Variants in CCDC149 observed in about 807,000 individuals in gnomAD.
The protein encoded by CCDC149 is coiled-coil domain-containing protein 149.
CCDC149 carries 45 observed loss-of-function variants against 59.9 expected under a neutral mutation model. That is an observed-to-expected ratio of 0.75 (90% confidence interval 0.59 to 0.96). CCDC149 has a LOEUF of 0.96. CCDC149 is among the 40% of genes least tolerant of loss of function. The pLI, the probability that CCDC149 is intolerant of heterozygous loss-of-function variation, is 0.00. For missense variants in CCDC149, 584 were observed against 664.7 expected (o/e 0.88, Z 1.33); for synonymous variants, 245 against 260.6 (o/e 0.94, Z 0.58).
chr4:24,872,358 C>T (rs753789534), intron 3 of CCDC149, among the ~76,000 whole-genome samples: 1 of 152,208 alleles, frequency 6.6e-6, no homozygotes, highest in African/African-American at 2.4e-5. Flanking sequence ...ACAGTATGCA[C>T]CCACAGAATG....
At chr4:24,821,793 T>G (rs1715417727) in intron 10 of CCDC149, among the ~76,000 whole-genome samples, 1 of 152,130 alleles carries the variant, frequency 6.6e-6, no homozygotes, top group Non-Finnish European at 1.5e-5. Flanking sequence ...GGCTGGGGTA[T>G]CACAAAAGGA....
At chr4:24,856,898 T>G (rs959593349) in intron 3 of CCDC149, among the ~76,000 whole-genome samples, 8 of 152,240 alleles carry the variant, frequency 5.3e-5, no homozygotes, top group Admixed American at 6.5e-5. Flanking sequence ...CAGCAGTGAC[T>G]GTCCCTGGGG....
chr4:24,863,113 C>T (rs1187231546), intron 3 of CCDC149, among the ~76,000 whole-genome samples: 2 of 151,980 alleles, frequency 1.3e-5, no homozygotes, highest in Non-Finnish European at 2.9e-5. Flanking sequence ...ACCAACATGG[C>T]AAAACCCCAT....
intron 1 of CCDC149, among the ~76,000 whole-genome samples, chr4:24,946,762 T>C (rs1436717482): frequency 6.6e-6 from 1 of 152,212 alleles, no homozygotes; most frequent in Non-Finnish European, 1.5e-5. Context: ...CAAGTTAATA[T>C]TAAGGCCAGC....
intron 1 of CCDC149, among the ~76,000 whole-genome samples, chr4:24,885,981 T>G (rs532494230): frequency 1.3e-5 from 2 of 152,234 alleles, no homozygotes; most frequent in African/African-American, 4.8e-5. Flanking sequence ...ATGTTCTACT[T>G]GAAACATCAT....
chr4:24,878,271 GA>G (rs2109253124), intron 1 of CCDC149, among the ~76,000 whole-genome samples: 1 of 150,040 alleles, frequency 6.7e-6, no homozygotes. Context: ...AAACAAAGGG[GA>G]AAGAAAAGGC....
At chr4:24,849,492 C>T (rs1717521838) in intron 4 of CCDC149, among the ~76,000 whole-genome samples, 1 of 152,132 alleles carries the variant, frequency 6.6e-6, no homozygotes, top group Non-Finnish European at 1.5e-5. Context: ...ACACAGGCTC[C>T]CCCCATCACA....
In CCDC149 at chr4:24,951,309, T is replaced by A. The variant is rs1723284519; in HGVS notation, c.-65+28760A>T. Among the ~76,000 whole-genome samples, 3 of 152,358 alleles carry A rather than the reference T, an allele frequency of 2.0e-5. No individual in the cohort carries two copies. In the South Asian group the frequency reaches 6.2e-4, roughly 32 times the overall value. ...CTCTCATTTTTGGAAGCTTTTAAAC[T>A]TCAGGGTGGACAGCGTGGCCCTTGG... On this transcript the variant is annotated intron_variant, in intron 1 of 12. Coordinates refer to the CCDC149 transcript ENST00000389609.
At chr4:24,917,624 A>G (rs1320265113), upstream of CCDC149, among the ~76,000 whole-genome samples, 1 of 152,040 alleles carries the variant, frequency 6.6e-6, no homozygotes, top group Non-Finnish European at 1.5e-5. Flanking sequence ...CCTAAAGATA[A>G]AGAACCATGG....
chr4:24,957,088 C>T (rs1371371334), intron 1 of CCDC149, among the ~76,000 whole-genome samples: 2 of 152,218 alleles, frequency 1.3e-5, no homozygotes, highest in Non-Finnish European at 2.9e-5. Context: ...AAATCTATGG[C>T]AGAGAACTCT....
At chr4:24,876,431 A>G in intron 2 of CCDC149, 105 bp downstream of exon 2, 1 of 1,300,880 alleles carries the variant, frequency 7.7e-7, no homozygotes, top group Non-Finnish European at 1.0e-6. Flanking sequence ...TTCCACTTTG[A>G]ACTGTTTGCA....
rs1577425162 is a variant in CCDC149, at chr4:24,864,867, A to G, written c.264+8814T>C. On this transcript the variant is annotated intron_variant, in intron 3 of 12. Coordinates refer to ENST00000635206, the MANE Select transcript of CCDC149 (RefSeq NM_001330643.2). Reference sequence around the variant, plus strand: ...ACAGTATTCACAGAATGTAAAACCCATGGATATGGAGGCCCAACTTCTTGT... The same window carrying G: ...ACAGTATTCACAGAATGTAAAACCCGTGGATATGGAGGCCCAACTTCTTGT... Among the ~76,000 whole-genome samples, 6 of 152,202 alleles carry G rather than the reference A, an allele frequency of 3.9e-5. No individual in the cohort carries two copies. The South Asian group carries it at 1.2e-3, about 31-fold the overall frequency.
intron 1 of CCDC149, among the ~76,000 whole-genome samples, chr4:24,923,650 T>C (rs7666033): frequency 0.25 from 37,910 of 151,944 alleles, 5,114 homozygotes; most frequent in African/African-American, 0.36. Flanking sequence ...TGAAGATTAG[T>C]GTGACCAGAA....
intron 1 of CCDC149, among the ~76,000 whole-genome samples, chr4:24,891,545 T>G (rs1321913083): frequency 6.6e-6 from 1 of 152,224 alleles, no homozygotes; most frequent in Non-Finnish European, 1.5e-5. Context: ...TCATCACTAT[T>G]TATCAGGAGA....
intron 1 of CCDC149, among the ~76,000 whole-genome samples, chr4:24,907,032 G>C (rs1369488242): frequency 1.3e-5 from 2 of 152,194 alleles, no homozygotes; most frequent in Admixed American, 6.5e-5. Flanking sequence ...CAGGGAAAGG[G>C]AGTGGTGTGG....
intron 12 of CCDC149, among the ~76,000 whole-genome samples, chr4:24,810,082 C>T (rs1006368764): frequency 9.2e-5 from 14 of 152,220 alleles, no homozygotes; most frequent in Non-Finnish European, 1.6e-4. Flanking sequence ...CCATGTCACG[C>T]ACCCATTAGG....
intron 1 of CCDC149, among the ~76,000 whole-genome samples, chr4:24,891,079 A>G (rs930605390): frequency 2.0e-5 from 3 of 152,206 alleles, no homozygotes; most frequent in Non-Finnish European, 2.9e-5. Flanking sequence ...TTTCCTGAGC[A>G]CTGTTAATTT....
In CCDC149 at chr4:24,806,199, C is replaced by T. The variant is rs567214454; in HGVS notation, c.*2190G>A. 4 of 152,264 alleles carry T rather than the reference C, an allele frequency of 2.6e-5. No individual in the cohort carries two copies. The highest frequency in any genetic ancestry group is 6.5e-5 in the Admixed American group (1 of 15,300). 9.4% of individuals were successfully genotyped at this position (152,264 alleles called of 1,614,324 possible). A position where few individuals can be genotyped will look rare whatever the true frequency, so the allele number is the denominator to read the frequency against. On this transcript the variant is annotated 3_prime_UTR_variant, in exon 13 of 13. Coordinates refer to ENST00000635206, the MANE Select transcript of CCDC149 (RefSeq NM_001330643.2). ...AAGCAGGGGCAGGACACACGTGTCG[C>T]GTATCTATGGGGTGTTATCAGGGTT...
At chr4:24,933,132 G>A (rs1194408945) in intron 1 of CCDC149, among the ~76,000 whole-genome samples, 1 of 152,156 alleles carries the variant, frequency 6.6e-6, no homozygotes, top group Non-Finnish European at 1.5e-5. Context: ...GGAAAAATTG[G>A]TGGGATCTCA....
Sources: allele counts gnomAD v4.1 joint callset (sites outside exome capture counted in the v4.1 genomes callset), GRCh38; gene constraint gnomAD v4.1.1; transcripts MANE v1.5; gene names NCBI Gene and HGNC (gene_info 2026-07-23, HGNC 2026-07-21).